FGF14: variants seen among roughly 807,000 people sequenced by gnomAD.
FGF14 encodes fibroblast growth factor 14.
In FGF14, 5 loss-of-function variants were observed where a neutral mutation model predicts 25.5. The observed-to-expected ratio is 0.20, with a 90% CI of 0.10 to 0.41. FGF14 has a LOEUF of 0.41. Ranked by LOEUF, FGF14 falls within the 10% of genes least tolerant of loss-of-function variation. The pLI is 1.00. For missense variants in FGF14, 222 were observed against 320.1 expected (o/e 0.69, Z 2.34); for synonymous variants, 138 against 118.3 (o/e 1.17, Z -1.08).
rs868644604 is a variant in FGF14, at chr13:102,142,578, A to T, written c.208+258893T>A. ...GGGCCTTGTGAGAGCCAATGATTGT[A>T]TTGGAAATAAAGCCAAAACAAAGTT... On this transcript the variant is annotated intron_variant, in intron 1 of 4. Transcript: ENST00000376131. Among the ~76,000 whole-genome samples the T allele has an allele frequency of 2.6e-5, 4 of 152,276 alleles. 1 individual carries two copies. The highest frequency in any genetic ancestry group is 6.8e-3 in the Middle Eastern group (2 of 294).
chr13:102,354,204 T>G (rs1046360100), intron 1 of FGF14: 1 of 152,258 alleles, frequency 6.6e-6, no homozygotes, highest in African/African-American at 2.4e-5. Flanking sequence ...CAATGTAAAT[T>G]GATAGCTTAT....
chr13:101,828,409 A>C (rs3007765), intron 3 of FGF14, among the ~76,000 whole-genome samples: 87,477 of 151,690 alleles, frequency 0.58, 25,787 homozygotes, highest in East Asian at 0.92. Context: ...TCTATGACCA[A>C]ATGATAATCA....
intron 1 of FGF14, among the ~76,000 whole-genome samples, chr13:102,296,392 G>C (rs140402631): frequency 6.6e-6 from 1 of 152,240 alleles, no homozygotes; most frequent in Non-Finnish European, 1.5e-5. Context: ...TCTGCACACC[G>C]TATTGGAATC....
chr13:102,237,618 C>T (rs1160970561), intron 1 of FGF14, among the ~76,000 whole-genome samples: 2 of 148,774 alleles, frequency 1.3e-5, no homozygotes, highest in African/African-American at 2.5e-5. Context: ...AAACCTGGTT[C>T]AAATCAAGCT....
intron 3 of FGF14, among the ~76,000 whole-genome samples, chr13:101,801,379 T>G (rs567084433): frequency 1.3e-4 from 20 of 152,174 alleles, no homozygotes; most frequent in African/African-American, 4.6e-4. Flanking sequence ...AAAGAGACAG[T>G]ATAGATTTTG....
At chr13:102,239,237 C>T (rs2051472802) in intron 1 of FGF14, among the ~76,000 whole-genome samples, 1 of 152,086 alleles carries the variant, frequency 6.6e-6, no homozygotes, top group Admixed American at 6.5e-5. Context: ...ATACTGTGGC[C>T]AAACTGGTTT....
chr13:102,278,362 G>C (rs1344008322), intron 1 of FGF14, among the ~76,000 whole-genome samples: 1 of 152,170 alleles, frequency 6.6e-6, no homozygotes, highest in Non-Finnish European at 1.5e-5. Context: ...GTTGAAAACT[G>C]GAAAGGTGGC....
chr13:101,963,019 A>G (rs1329081787), intron 1 of FGF14, among the ~76,000 whole-genome samples: 1 of 152,226 alleles, frequency 6.6e-6, no homozygotes, highest in Non-Finnish European at 1.5e-5. Flanking sequence ...GGATATGATC[A>G]TGCTTCTTCC....
chr13:102,070,934 G>T (rs2043128062), intron 1 of FGF14, among the ~76,000 whole-genome samples: 1 of 144,536 alleles, frequency 6.9e-6, no homozygotes, highest in Non-Finnish European at 1.5e-5. Flanking sequence ...AATCTTGTTT[G>T]CTAGAAAACA....
At chr13:101,806,714 T>C (rs145824316) in intron 3 of FGF14, among the ~76,000 whole-genome samples, 2 of 152,154 alleles carry the variant, frequency 1.3e-5, no homozygotes, top group Non-Finnish European at 2.9e-5. Flanking sequence ...TTAATTTGCC[T>C]GTATCAAAGT....
chr13:102,361,352 G>A (rs534099044), intron 1 of FGF14, among the ~76,000 whole-genome samples: 3 of 152,208 alleles, frequency 2.0e-5, no homozygotes, highest in African/African-American at 4.8e-5. Flanking sequence ...GGAGAAGAAC[G>A]GAAGTTAACC....
At position 101,713,807 on chromosome 13, in the gene FGF14, G is replaced by A. The variant is rs1162457005; in HGVS notation, c.*9024C>T. 5 of 152,132 alleles carry A rather than the reference G, an allele frequency of 3.3e-5. No individual in the cohort carries two copies. In the East Asian group the frequency reaches 9.6e-4, roughly 29 times the overall value. The allele number at this position is 152,132 out of a possible 1,614,324, so 9.4% of individuals were successfully genotyped here. ...GGAGGGAAAAAGAGTTGAATCCAGA[G>A]CCTCATAAAATATGAACTTTGGGAG... On this transcript the variant is annotated 3_prime_UTR_variant, in exon 5 of 5. Coordinates refer to ENST00000376143, the MANE Select transcript of FGF14 (RefSeq NM_004115.4).
At chr13:102,190,197 C>T (rs2049067174) in intron 1 of FGF14, among the ~76,000 whole-genome samples, 1 of 152,194 alleles carries the variant, frequency 6.6e-6, no homozygotes, top group Admixed American at 6.5e-5. Context: ...TCATACCTCC[C>T]TGGCTTGAAT....
rs545180345 is a variant in FGF14, at chr13:101,855,549, T to C, written c.408+13176A>G. ...AGAAAATGGCTGGAATATCTGATAA[T>C]TGAAATTAAGTCCTGCTATGTGCCA... On this transcript the variant is annotated intron_variant, in intron 3 of 4. Transcript: ENST00000376143. Among the ~76,000 whole-genome samples the C allele has an allele frequency of 7.2e-5, 11 of 152,100 alleles. No individual in the cohort carries two copies. The South Asian group carries it at 1.7e-3, about 23-fold the overall frequency.
chr13:102,026,216 T>C (rs761217091), intron 1 of FGF14, among the ~76,000 whole-genome samples: 1 of 152,038 alleles, frequency 6.6e-6, no homozygotes, highest in Non-Finnish European at 1.5e-5. Context: ...TTTTGTTCTT[T>C]ATTCTATTAA....
intron 1 of FGF14, among the ~76,000 whole-genome samples, chr13:102,250,232 T>G (rs1357241212): frequency 6.6e-6 from 1 of 152,124 alleles, no homozygotes; most frequent in Non-Finnish European, 1.5e-5. Flanking sequence ...TTAAACGCAG[T>G]TACCAAAGGG....
intron 1 of FGF14, among the ~76,000 whole-genome samples, chr13:102,073,351 C>T (rs572649227): frequency 8.5e-5 from 13 of 152,308 alleles, no homozygotes; most frequent in South Asian, 2.1e-4. Context: ...TCCCCATGCA[C>T]GCCTATTCCA....
intron 1 of FGF14, among the ~76,000 whole-genome samples, chr13:101,965,651 G>A (rs1344591235): frequency 6.8e-6 from 1 of 148,122 alleles, no homozygotes; most frequent in African/African-American, 2.5e-5. Context: ...ATGAATGTGA[G>A]ATCCTAAAAA....
At chr13:102,351,946 T>C (rs2057291880) in intron 1 of FGF14, among the ~76,000 whole-genome samples, 1 of 152,226 alleles carries the variant, frequency 6.6e-6, no homozygotes, top group Non-Finnish European at 1.5e-5. Context: ...TTTGAAGGTT[T>C]TGTCAAAGAA....
Sources: allele counts gnomAD v4.1 joint callset (sites outside exome capture counted in the v4.1 genomes callset), GRCh38; gene constraint gnomAD v4.1.1; transcripts MANE v1.5; gene names NCBI Gene and HGNC (gene_info 2026-07-23, HGNC 2026-07-21).